Variants in USP54 observed in about 807,000 individuals in gnomAD.
The protein encoded by USP54 is ubiquitin carboxyl-terminal hydrolase 54.
Under a neutral mutation model 170.5 loss-of-function variants are expected in USP54, and 87 were observed. The observed-to-expected ratio is 0.51, with a 90% CI of 0.43 to 0.61. The LOEUF (loss-of-function observed/expected upper bound fraction) is 0.61. USP54 is among the 20% of genes least tolerant of loss of function. The pLI, the probability that USP54 is intolerant of heterozygous loss-of-function variation, is 0.00. For synonymous variants in USP54, 655 were observed against 742.8 expected (o/e 0.88, Z 1.92); for missense variants, 1,786 against 2,047.8 (o/e 0.87, Z 2.47).
intron 1 of USP54, among the ~76,000 whole-genome samples, chr10:73,600,104 T>C (rs975180828): frequency 9.9e-5 from 15 of 152,000 alleles, no homozygotes; most frequent in African/African-American, 3.4e-4. Context: ...TTTCTCCATG[T>C]TTGTCAGGCT....
At chr10:73,542,255 T>G (rs1383717759) in intron 7 of USP54, among the ~76,000 whole-genome samples, 1 of 152,130 alleles carries the variant, frequency 6.6e-6, no homozygotes, top group South Asian at 2.1e-4. Context: ...CGCGCAACCA[T>G]GCCTGGCTAA....
chr10:73,572,181 G>A (rs914318775), intron 3 of USP54, among the ~76,000 whole-genome samples: 1 of 152,018 alleles, frequency 6.6e-6, no homozygotes, highest in African/African-American at 2.4e-5. Context: ...TAGGGGAAGG[G>A]GGATATCCAA....
At position 73,517,723 on chromosome 10, in the gene USP54, T is replaced by A. The variant is rs1434095681; in HGVS notation, c.2703A>T (p.Val901=). The A allele has an allele frequency of 1.9e-6, 3 of 1,613,694 alleles. No individual in the cohort carries two copies. ...PTSEQPIPLQ[V]LLSQEAQLES... ...CCAGTTGGGCCTCTTGGCTTAACAATACTTGGAGCGGGATAGGCTGTTCAC... is the reference window on the plus strand; with the variant it reads ...CCAGTTGGGCCTCTTGGCTTAACAAAACTTGGAGCGGGATAGGCTGTTCAC... Residue 901 remains valine, a synonymous_variant, in exon 20 of 24, where the codon GTA becomes GTT. Transcript: ENST00000687698.
At position 73,517,237 on chromosome 10, in the gene USP54, C is replaced by G; in HGVS notation, c.3189G>C (p.Gln1063His). 6.2e-7 allele frequency: 1 copy of G among 1,614,176 alleles called. No individual in the cohort carries two copies. Among genetic ancestry groups the G allele is most frequent in the Non-Finnish European group, 8.5e-7 (1 of 1,180,016 alleles). ...LGCSPSNSSA[Q>H]PSLPLYRTCH... ...AGGTTCTATACAGGGGAAGGCTGGGCTGAGCTGATGAATTTGAAGGACTAC... is the reference window on the plus strand; with the variant it reads ...AGGTTCTATACAGGGGAAGGCTGGGGTGAGCTGATGAATTTGAAGGACTAC... Residue 1063 changes from glutamine (Q) to histidine (H), a missense_variant, in exon 20 of 24, where the codon CAG (glutamine) becomes CAC (histidine). Coordinates refer to ENST00000687698, the MANE Select transcript of USP54 (RefSeq NM_001391956.1).
At chr10:73,500,337 C>G (rs1243954513) in intron 23 of USP54, among the ~76,000 whole-genome samples, 2 of 152,202 alleles carry the variant, frequency 1.3e-5, no homozygotes, top group African/African-American at 4.8e-5. Flanking sequence ...CATTTCTGTT[C>G]TGGGGATGTC....
At chr10:73,557,944 T>C (rs1041911976) in intron 4 of USP54, among the ~76,000 whole-genome samples, 1 of 142,014 alleles carries the variant, frequency 7.0e-6, no homozygotes, top group African/African-American at 2.6e-5. Context: ...GTGCAGTGGC[T>C]CGATCTCGGC....
At chr10:73,614,351 G>A (rs1325885933) in intron 1 of USP54, among the ~76,000 whole-genome samples, 1 of 150,230 alleles carries the variant, frequency 6.7e-6, no homozygotes, top group Non-Finnish European at 1.5e-5. Flanking sequence ...CTTGAGGTCA[G>A]GAGTTCGAGA....
chr10:73,506,470 C>T (rs2059144032), intron 20 of USP54: 1 of 152,186 alleles, frequency 6.6e-6, no homozygotes, highest in African/African-American at 2.4e-5. Flanking sequence ...GTATATGCCC[C>T]TGACCTACAT....
At chr10:73,538,582 AGGAG>A (rs2065820290) in intron 10 of USP54, among the ~76,000 whole-genome samples, 1 of 152,108 alleles carries the variant, frequency 6.6e-6, no homozygotes, top group African/African-American at 2.4e-5. Flanking sequence ...TGGCAGGCTG[AGGAG>A]GGAGGATCAC....
intron 16 of USP54, among the ~76,000 whole-genome samples, chr10:73,525,540 TA>T (rs1472863674): frequency 2.0e-5 from 3 of 152,118 alleles, no homozygotes; most frequent in African/African-American, 7.2e-5. Context: ...TTAGTGTAAT[TA>T]AAAAAATGCT....
chr10:73,600,568 A>G (rs1223407987), intron 1 of USP54, among the ~76,000 whole-genome samples: 1 of 152,192 alleles, frequency 6.6e-6, no homozygotes, highest in Non-Finnish European at 1.5e-5. Context: ...AATAATAAAC[A>G]ATTGGGGCCT....
At chr10:73,509,514 C>G (rs1455793188) in intron 20 of USP54, among the ~76,000 whole-genome samples, 3 of 150,218 alleles carry the variant, frequency 2.0e-5, no homozygotes, top group African/African-American at 7.3e-5. Flanking sequence ...ACTCAGGAGG[C>G]TGAGGCAGGA....
intron 4 of USP54, among the ~76,000 whole-genome samples, chr10:73,555,661 A>G (rs1372689414): frequency 1.3e-5 from 2 of 152,234 alleles, no homozygotes; most frequent in South Asian, 4.1e-4. Context: ...AATTTTTGCC[A>G]AGATCAAAAC....
Position 73,539,577 on chromosome 10 carries a change from G to T in USP54, c.842C>A (p.Thr281Lys). The T allele has an allele frequency of 2.5e-6, 4 of 1,601,494 alleles. No individual in the cohort carries two copies. Among genetic ancestry groups the T allele is most frequent in the Non-Finnish European group, 3.4e-6 (4 of 1,171,968 alleles). Residue 281 changes from threonine (T) to lysine (K), a missense_variant, in exon 10 of 24, where the codon ACG (threonine) becomes AAG (lysine). Transcript: ENST00000687698. ...LKLGDLFFRV[T>K]DDRAKQSELY... is the part of the protein sequence containing the mutation. ...TTCAGATTGCTTGGCCCGGTCATCCGTCACTCTGAAAAACAGCTGAGGGGA... is the reference window on the plus strand; with the variant it reads ...TTCAGATTGCTTGGCCCGGTCATCCTTCACTCTGAAAAACAGCTGAGGGGA...
chr10:73,565,263 T>C (rs2074011368), intron 4 of USP54, among the ~76,000 whole-genome samples: 1 of 152,014 alleles, frequency 6.6e-6, no homozygotes, highest in African/African-American at 2.4e-5. Flanking sequence ...ATGCCTGTAA[T>C]CCCAGCACTT....
rs1300207934 is a variant in USP54 at position 73,524,834 on chromosome 10, A to G, written c.2195-1084T>C. Among the ~76,000 whole-genome samples the G allele has an allele frequency of 2.0e-5, 3 of 152,200 alleles. No individual in the cohort carries two copies. The East Asian group carries it at 5.8e-4, about 29-fold the overall frequency. On this transcript the variant is annotated intron_variant, in intron 16 of 23. Transcript: ENST00000687698. ...AGGTAAACCAAATGGGAAATAATGG[A>G]GCTAAATTAAAGTCAAGTAGGTTAA...
intron 1 of USP54, among the ~76,000 whole-genome samples, chr10:73,611,827 G>T (rs1370504992): frequency 6.6e-6 from 1 of 151,354 alleles, no homozygotes; most frequent in Non-Finnish European, 1.5e-5. Flanking sequence ...AAATAAAATA[G>T]GCCAGGTGCA....
chr10:73,550,512 A>G (rs576515365), intron 4 of USP54, among the ~76,000 whole-genome samples: 9 of 152,286 alleles, frequency 5.9e-5, no homozygotes, highest in African/African-American at 2.2e-4. Flanking sequence ...GTCATACTAT[A>G]TATTTTACTT....
At chr10:73,552,466 T>TAC (rs374761038) in intron 4 of USP54, among the ~76,000 whole-genome samples, 18,647 of 146,520 alleles carry the variant, frequency 0.13, 1,562 homozygotes, top group East Asian at 0.32. Context: ...ATTAAATGAG[T>TAC]ACACACACAC....
Sources: gnomAD v4.1 joint callset for allele counts (sites outside exome capture counted in the v4.1 genomes callset) on GRCh38, gnomAD v4.1.1 for gene constraint, MANE v1.5 for transcripts, NCBI Gene and HGNC (gene_info 2026-07-23, HGNC 2026-07-21) for gene names.